NLK: variants seen among roughly 807,000 people sequenced by gnomAD.
NLK encodes the protein nemo like kinase.
A neutral mutation model predicts 59.0 loss-of-function variants in NLK; 11 were observed. The ratio of observed to expected loss-of-function variants is 0.19; its 90% CI spans 0.12 to 0.31. The LOEUF (loss-of-function observed/expected upper bound fraction) is 0.31, where lower values mean the gene tolerates loss of function less well. NLK is among the 10% of genes least tolerant of loss of function. The pLI is 1.00. For synonymous variants in NLK, 235 were observed against 235.9 expected (o/e 1.00, Z 0.03); for missense variants, 410 against 661.1 (o/e 0.62, Z 4.16).
chr17:28,159,777 TA>T (rs576291112), intron 3 of NLK, among the ~76,000 whole-genome samples: 82 of 152,026 alleles, frequency 5.4e-4, no homozygotes, highest in African/African-American at 2.0e-3. Context: ...AATATAACAG[TA>T]AAAAAAATTA....
At chr17:28,198,679 C>T (rs1248746845), downstream of NLK, among the ~76,000 whole-genome samples, 6 of 152,146 alleles carry the variant, frequency 3.9e-5, no homozygotes, top group East Asian at 1.2e-3. Flanking sequence ...TTTCACATCC[C>T]TCTTCACAGT....
At chr17:28,123,762 C>G (rs562629032) in intron 2 of NLK, among the ~76,000 whole-genome samples, 2 of 152,190 alleles carry the variant, frequency 1.3e-5, no homozygotes, top group Non-Finnish European at 2.9e-5. Context: ...CGTGTTTTGA[C>G]AGAACTTTCC....
intron 4 of NLK, among the ~76,000 whole-genome samples, chr17:28,161,867 A>T (rs1908017841): frequency 6.6e-6 from 1 of 152,212 alleles, no homozygotes; most frequent in Non-Finnish European, 1.5e-5. Context: ...TATGTCCATG[A>T]GAATTTTGCC....
chr17:28,159,065 A>G (rs1907899376), intron 3 of NLK, among the ~76,000 whole-genome samples: 1 of 152,194 alleles, frequency 6.6e-6, no homozygotes, highest in Admixed American at 6.5e-5. Context: ...GCAAAACCAC[A>G]AAGGACGTGA....
At chr17:28,098,094 A>C (rs1031689580) in intron 1 of NLK, among the ~76,000 whole-genome samples, 56 of 152,300 alleles carry the variant, frequency 3.7e-4, no homozygotes, top group African/African-American at 1.2e-3. Flanking sequence ...CTTTTTATAG[A>C]TAAGGGAACT....
chr17:28,047,325 ACT>A (rs1333635352), intron 1 of NLK, among the ~76,000 whole-genome samples: 1 of 152,170 alleles, frequency 6.6e-6, no homozygotes, highest in Non-Finnish European at 1.5e-5. Flanking sequence ...TGGAGGCATG[ACT>A]CTAAATAACG....
chr17:28,085,674 G>A (rs1020380877), intron 1 of NLK, among the ~76,000 whole-genome samples: 1 of 152,206 alleles, frequency 6.6e-6, no homozygotes, highest in Non-Finnish European at 1.5e-5. Flanking sequence ...CCAGGAGGCA[G>A]AGGCTGCAGT....
chr17:28,082,796 A>C (rs1910392205), intron 1 of NLK, among the ~76,000 whole-genome samples: 2 of 152,226 alleles, frequency 1.3e-5, no homozygotes, highest in Admixed American at 1.3e-4. Flanking sequence ...ACATGTTTGT[A>C]ATGTCTACGT....
Position 28,168,586 on chromosome 17 carries a change from T to G in NLK, c.976T>G (p.Ser326Ala). 6.2e-7 allele frequency: 1 copy of G among 1,613,884 alleles called. No individual in the cohort carries two copies. Among genetic ancestry groups the G allele is most frequent in the Non-Finnish European group, 8.5e-7 (1 of 1,179,798 alleles). ...TTACAGCAATGCTATTGACATCTGG[T>G]CTGTGGGATGTATCTTTGCAGAACT... is the stretch of plus-strand genomic sequence containing the variant. The part of the protein sequence containing the change: ...RHYSNAIDIW[S>A]VGCIFAELLG... The change falls in exon 6 of 11, where the codon TCT (serine) becomes GCT (alanine). Residue 326 changes from serine to alanine, a missense_variant. Physicochemically the swap from Ser to Ala is moderately conservative, Grantham distance 99. This residue lies in a region of NLK where 150 missense variants were observed against 244.3 expected (regional missense o/e 0.61). Transcript: ENST00000407008.
chr17:28,187,528 C>G (rs532948141), intron 8 of NLK, among the ~76,000 whole-genome samples: 6 of 152,268 alleles, frequency 3.9e-5, no homozygotes, highest in Admixed American at 2.6e-4. Flanking sequence ...TCTCAAACTC[C>G]TGACCTCATG....
At position 28,190,132 on chromosome 17, in the gene NLK, T is replaced by G. The variant is rs1909255910; in HGVS notation, c.1237-889T>G. ...TGGTCATATTGGAATCAGGGCAAAG[T>G]GTGTGTTCTTGTTTTTGTTCTACTG... On this transcript the variant is annotated intron_variant, in intron 8 of 10. Transcript: ENST00000407008. 3.9e-5 allele frequency among the ~76,000 whole-genome samples: 6 copies of G among 152,226 alleles called. 1 individual carries two copies. In the South Asian group the frequency reaches 1.2e-3, roughly 32 times the overall value.
At chr17:28,085,242 T>C (rs1910472380) in intron 1 of NLK, among the ~76,000 whole-genome samples, 1 of 152,200 alleles carries the variant, frequency 6.6e-6, no homozygotes, top group South Asian at 2.1e-4. Flanking sequence ...TGTTAGCACA[T>C]GGAGTGAATA....
At chr17:28,106,326 C>T (rs1209001375) in intron 1 of NLK, among the ~76,000 whole-genome samples, 2 of 152,010 alleles carry the variant, frequency 1.3e-5, no homozygotes, top group African/African-American at 2.4e-5. Context: ...AATTTCAATT[C>T]GTATATAATG....
intron 5 of NLK, among the ~76,000 whole-genome samples, chr17:28,166,232 A>G (rs1397877240): frequency 6.6e-6 from 1 of 152,114 alleles, no homozygotes; most frequent in African/African-American, 2.4e-5. Flanking sequence ...ATATATATAT[A>G]TGTTATTTGA....
At chr17:28,160,469 ATT>A (rs1907961225) in intron 3 of NLK, among the ~76,000 whole-genome samples, 3 of 152,162 alleles carry the variant, frequency 2.0e-5, no homozygotes, top group Admixed American at 2.0e-4. Flanking sequence ...AGAGTCTTGA[ATT>A]GCATATCTCC....
chr17:28,050,192 A>G (rs1056284572), intron 1 of NLK, among the ~76,000 whole-genome samples: 2 of 152,070 alleles, frequency 1.3e-5, no homozygotes, highest in African/African-American at 2.4e-5. Context: ...AGGGATTTCT[A>G]TGGAAGGTCA....
At chr17:28,160,829 T>G (rs1019823038) in intron 3 of NLK, among the ~76,000 whole-genome samples, 2 of 152,228 alleles carry the variant, frequency 1.3e-5, no homozygotes, top group African/African-American at 4.8e-5. Flanking sequence ...TCCTGTAATA[T>G]GTCTAAGTAG....
intron 3 of NLK, among the ~76,000 whole-genome samples, chr17:28,154,509 C>T (rs1022235133): frequency 9.9e-5 from 15 of 152,222 alleles, no homozygotes; most frequent in African/African-American, 3.6e-4. Context: ...CACAGAGCTA[C>T]ATTATAGTGA....
chr17:28,160,859 G>A (rs113593925), intron 3 of NLK, among the ~76,000 whole-genome samples: 20 of 152,204 alleles, frequency 1.3e-4, no homozygotes, highest in African/African-American at 4.3e-4. Flanking sequence ...CTGTTTGGTC[G>A]TCATACTTTT....
Sources: allele counts gnomAD v4.1 joint callset (sites outside exome capture counted in the v4.1 genomes callset), GRCh38; gene constraint gnomAD v4.1.1; regional missense constraint gnomAD v4.1.1; transcripts MANE v1.5; gene names NCBI Gene and HGNC (gene_info 2026-07-23, HGNC 2026-07-21).